Variants in MALRD1 observed in about 807,000 individuals in gnomAD.
MALRD1 encodes the protein MAM and LDL-receptor class A domain-containing protein 1.
MALRD1 carries 247 observed loss-of-function variants against 242.1 expected under a neutral mutation model. That is an observed-to-expected ratio of 1.02 (90% CI 0.92 to 1.13). MALRD1 has a LOEUF of 1.13. MALRD1 is among the 50% of genes most tolerant of loss of function. The pLI is 0.00. For missense variants in MALRD1, 2,989 were observed against 2,533.1 expected (o/e 1.18, Z -3.86); for synonymous variants, 995 against 866.6 (o/e 1.15, Z -2.60).
Position 19,331,539 on chromosome 10 carries a change from G to A in MALRD1, c.3858G>A (p.Val1286=), listed in dbSNP as rs1230157567. 3 of 1,550,284 alleles carry A rather than the reference G, an allele frequency of 1.9e-6. No individual in the cohort carries two copies. Among genetic ancestry groups the A allele is most frequent in the Non-Finnish European group, 1.7e-6 (2 of 1,146,784 alleles). Residue 1286 remains valine (V), a synonymous_variant, in exon 24 of 40, where the codon GTG becomes GTA. Transcript: ENST00000454679. ...CIAKDKLCDF[V]NDCADNSDET... Reference sequence around the variant, plus strand: ...CCAAAGACAAGCTGTGTGATTTTGTGAATGATTGTGCTGATAATTCAGATG... The same window carrying A: ...CCAAAGACAAGCTGTGTGATTTTGTAAATGATTGTGCTGATAATTCAGATG...
At position 19,520,334 on chromosome 10, in the gene MALRD1, A is replaced by G. The variant is rs17793016; in HGVS notation, c.5321-10860A>G. 3.5e-3 allele frequency among the ~76,000 whole-genome samples: 527 copies of G among 150,732 alleles called. 7 individuals carry two copies. In the East Asian group the frequency reaches 0.05, roughly 14 times the overall value. Reference sequence around the variant, plus strand: ...TAAAAAAAAAAAAGCTGCAATTGGTATCATCTTTGTCATTGCATTTTGTCT... The same window carrying G: ...TAAAAAAAAAAAAGCTGCAATTGGTGTCATCTTTGTCATTGCATTTTGTCT... On this transcript the variant is annotated intron_variant, in intron 31 of 39. Transcript: ENST00000454679.
At chr10:19,187,178 C>G (rs566034317) in intron 14 of MALRD1, among the ~76,000 whole-genome samples, 36 of 152,200 alleles carry the variant, frequency 2.4e-4, no homozygotes, top group African/African-American at 8.4e-4. Context: ...ATTTATAGCT[C>G]TGTAAAATAA....
chr10:19,097,156 G>T (rs1356667959), intron 4 of MALRD1, among the ~76,000 whole-genome samples: 1 of 152,060 alleles, frequency 6.6e-6, no homozygotes, highest in Non-Finnish European at 1.5e-5. Flanking sequence ...ATCCTCTAAG[G>T]TAGAAAGATG....
chr10:19,600,347 T>C (rs1235918330), intron 34 of MALRD1, among the ~76,000 whole-genome samples: 1 of 152,186 alleles, frequency 6.6e-6, no homozygotes, highest in Non-Finnish European at 1.5e-5. Flanking sequence ...CAGGGAGATA[T>C]TGGAGGACTA....
chr10:19,416,952 G>A (rs78349273), intron 28 of MALRD1, among the ~76,000 whole-genome samples: 2,700 of 152,266 alleles, frequency 0.018, 58 homozygotes, highest in African/African-American at 0.056. Flanking sequence ...CTCACCAACA[G>A]GTGATGAACA....
chr10:19,722,590 T>TAAAAAAAAAAAAAAAAAAAAAAAAAAAAA (rs372286640), intron 38 of MALRD1: 7 of 45,358 alleles, frequency 1.5e-4, no homozygotes, highest in Admixed American at 3.1e-4. Context: ...ACCATGTCTC[T>TAAAAAAAAAAAAAAAAAAAAAAAAAAAAA]AAAAAAAAAA....
At chr10:19,380,278 T>C (rs1845782319) in intron 26 of MALRD1, among the ~76,000 whole-genome samples, 3 of 2,726 alleles carry the variant, frequency 1.1e-3, no homozygotes, top group South Asian at 6.9e-3. Flanking sequence ...GCCAGCCTTC[T>C]TTTTTTTTTT....
chr10:19,343,566 G>A (rs960931404), intron 24 of MALRD1, among the ~76,000 whole-genome samples: 3 of 152,058 alleles, frequency 2.0e-5, no homozygotes, highest in Admixed American at 2.0e-4. Context: ...ATCATGTTGA[G>A]AAAGTTATAT....
At chr10:19,222,258 C>A (rs563792799) in intron 18 of MALRD1, among the ~76,000 whole-genome samples, 1 of 152,202 alleles carries the variant, frequency 6.6e-6, no homozygotes, top group African/African-American at 2.4e-5. Context: ...AGCCCCCTCA[C>A]CCAGACTGTT....
At chr10:19,489,306 A>G (rs1837378190) in intron 29 of MALRD1, 3 of 514,466 alleles carry the variant, frequency 5.8e-6, no homozygotes, top group Non-Finnish European at 7.9e-6. Context: ...GCTAACCACG[A>G]AAGTAAAGAA....
chr10:19,443,726 G>A (rs1834800390), intron 28 of MALRD1, among the ~76,000 whole-genome samples: 1 of 152,186 alleles, frequency 6.6e-6, no homozygotes, highest in South Asian at 2.1e-4. Context: ...TTGCTGAGGA[G>A]TTCTTTACTT....
intron 14 of MALRD1, among the ~76,000 whole-genome samples, chr10:19,199,967 T>A (rs895370096): frequency 1.3e-5 from 2 of 151,802 alleles, no homozygotes; most frequent in South Asian, 2.1e-4. Flanking sequence ...CTCAACAAAA[T>A]TTTTTAAAAA....
At chr10:19,327,824 G>A (rs1289058969) in intron 23 of MALRD1, among the ~76,000 whole-genome samples, 151 bp downstream of exon 23, 1 of 152,072 alleles carries the variant, frequency 6.6e-6, no homozygotes, top group Non-Finnish European at 1.5e-5. Context: ...ACTCCATGGA[G>A]CATTTTACAT....
intron 18 of MALRD1, among the ~76,000 whole-genome samples, chr10:19,238,603 G>A (rs1289615200): frequency 5.7e-5 from 4 of 70,306 alleles, no homozygotes; most frequent in Admixed American, 2.2e-4. Context: ...TAATTCACTT[G>A]TTTGTTTTTA....
chr10:19,706,612 A>G lies in MALRD1; in HGVS notation c.6314+14058A>G, dbSNP rs576907100. Among the ~76,000 whole-genome samples the G allele has an allele frequency of 4.6e-5, 7 of 152,180 alleles. No individual in the cohort carries two copies. In the East Asian group the frequency reaches 1.4e-3, roughly 30 times the overall value. On this transcript the variant is annotated intron_variant, in intron 38 of 39. Transcript: ENST00000454679. ...GGTGATCTGCCCACCTCGGCCTCCT[A>G]AAGTGCTAGGATTACAGGTATGAGC...
At chr10:19,702,277 A>G (rs1833662746) in intron 38 of MALRD1, among the ~76,000 whole-genome samples, 1 of 152,190 alleles carries the variant, frequency 6.6e-6, no homozygotes, top group Admixed American at 6.5e-5. Context: ...CACTGTTCCC[A>G]TTCTTCCACA....
chr10:19,666,366 A>G (rs563352059), intron 36 of MALRD1, among the ~76,000 whole-genome samples: 4 of 152,238 alleles, frequency 2.6e-5, no homozygotes, highest in Non-Finnish European at 4.4e-5. Flanking sequence ...ACCTACAGCT[A>G]TAGTATTTCC....
intron 2 of MALRD1, among the ~76,000 whole-genome samples, chr10:19,087,332 T>G (rs529564582): frequency 2.6e-5 from 4 of 152,208 alleles, no homozygotes; most frequent in Admixed American, 2.6e-4. Flanking sequence ...CCCATAATCA[T>G]ATTATAGGGA....
intron 38 of MALRD1, chr10:19,722,523 G>C (rs1392911769): frequency 1.4e-5 from 2 of 144,024 alleles, no homozygotes; most frequent in African/African-American, 5.3e-5. Flanking sequence ...CCAGGAGTTG[G>C]AGGCTGCTGT....
Sources: allele counts gnomAD v4.1 joint callset (sites outside exome capture counted in the v4.1 genomes callset), GRCh38; gene constraint gnomAD v4.1.1; transcripts MANE v1.5; gene names NCBI Gene and HGNC (gene_info 2026-07-23, HGNC 2026-07-21).